Variants in ADAMTS9 observed in about 807,000 individuals in gnomAD.
ADAMTS9 encodes A disintegrin and metalloproteinase with thrombospondin motifs 9.
A neutral mutation model predicts 257.1 loss-of-function variants in ADAMTS9; 107 were observed. That is an observed-to-expected ratio of 0.42 (90% CI 0.36 to 0.49). The LOEUF (loss-of-function observed/expected upper bound fraction) is 0.49, where lower values mean the gene tolerates loss of function less well. Ranked by LOEUF, ADAMTS9 falls within the 20% of genes least tolerant of loss-of-function variation. The pLI, the probability that ADAMTS9 is intolerant of heterozygous loss-of-function variation, is 0.03. For synonymous variants in ADAMTS9, 982 were observed against 880.9 expected (o/e 1.11, Z -2.03); for missense variants, 2,353 against 2,469.1 (o/e 0.95, Z 1.00).
At chr3:64,524,132 A>C (rs113475793) in intron 38 of ADAMTS9, among the ~76,000 whole-genome samples, 2,269 of 152,250 alleles carry the variant, frequency 0.015, 46 homozygotes, top group African/African-American at 0.052. Flanking sequence ...ATTACACACA[A>C]ATTTAAAGTG....
At chr3:64,647,249 TTTTGGGCTGATGA>T (rs1366403514) in intron 11 of ADAMTS9, among the ~76,000 whole-genome samples, 1 of 152,130 alleles carries the variant, frequency 6.6e-6, no homozygotes, top group Non-Finnish European at 1.5e-5. Context: ...GTTACCAAAT[TTTTGGGCTGATGA>T]TGGTATCACT....
At chr3:64,633,397 A>G in intron 14 of ADAMTS9, 75 bp downstream of exon 14, 23 of 1,583,328 alleles carry the variant, frequency 1.5e-5, no homozygotes, top group Non-Finnish European at 2.0e-5. Flanking sequence ...AGCAGTTGCT[A>G]TTCTATCTAG....
chr3:64,589,880 A>C (rs951788555), intron 28 of ADAMTS9: 4 of 152,210 alleles, frequency 2.6e-5, no homozygotes, highest in Non-Finnish European at 5.9e-5. Flanking sequence ...GCAGTGAACA[A>C]ATAACAAAAT....
chr3:64,601,117 T>C (rs940562901), intron 26 of ADAMTS9, among the ~76,000 whole-genome samples: 7 of 152,164 alleles, frequency 4.6e-5, no homozygotes, highest in Non-Finnish European at 1.0e-4. Flanking sequence ...TTTCCTTTGA[T>C]ATCAGATATT....
At chr3:64,554,730 A>G (rs983488583) in intron 30 of ADAMTS9, among the ~76,000 whole-genome samples, 2 of 152,336 alleles carry the variant, frequency 1.3e-5, no homozygotes, top group Middle Eastern at 6.8e-3. Context: ...ACAGTGCTGG[A>G]CTAAATCGGG....
intron 16 of ADAMTS9, among the ~76,000 whole-genome samples, chr3:64,628,914 G>A (rs1021952435): frequency 1.3e-5 from 2 of 152,080 alleles, no homozygotes; most frequent in African/African-American, 2.4e-5. Flanking sequence ...AAACACTAGT[G>A]GTCGTATAAT....
Position 64,572,068 on chromosome 3 carries a change from T to C in ADAMTS9, c.4357-3533A>G, listed in dbSNP as rs1394230080. ...TTCACAGCCAAAAAGCCTCCTACTT[T>C]GCCAATAGGACTCTGACTTTTTTTT... On this transcript the variant is annotated intron_variant, in intron 28 of 39. Transcript: ENST00000498707. Among the ~76,000 whole-genome samples the C allele has an allele frequency of 1.5e-5, 2 of 131,420 alleles. 1 individual carries two copies. The highest frequency in any genetic ancestry group is 5.6e-4 in the East Asian group (2 of 3,600). The allele number at this position is 131,420 out of a possible 152,430, so 86.2% of individuals were successfully genotyped here. A position where few individuals can be genotyped will look rare whatever the true frequency, so the allele number is the denominator to read the frequency against.
chr3:64,648,787 A>C (rs1270216464), intron 10 of ADAMTS9, among the ~76,000 whole-genome samples: 1 of 152,124 alleles, frequency 6.6e-6, no homozygotes, highest in African/African-American at 2.4e-5. Context: ...ATCATTTTCA[A>C]TTGCTATAAA....
At chr3:64,670,824 C>A (rs775492205) in intron 3 of ADAMTS9, among the ~76,000 whole-genome samples, 8 of 152,156 alleles carry the variant, frequency 5.3e-5, no homozygotes, top group Non-Finnish European at 1.2e-4. Context: ...TGAAATTCCA[C>A]TAAACACCTA....
At position 64,633,280 on chromosome 3, in the gene ADAMTS9, C is replaced by T. The variant is rs1451181696; in HGVS notation, c.2175+192G>A. Among the ~76,000 whole-genome samples, 3 of 152,076 alleles carry T rather than the reference C, an allele frequency of 2.0e-5. No homozygotes were observed. The East Asian group carries it at 5.8e-4, about 29-fold the overall frequency. Reference sequence around the variant, plus strand: ...TCAAGAAAAATCCAGGGCAACGGCTCCCAAACTTTGGCACTACACGCATCA... The same window carrying T: ...TCAAGAAAAATCCAGGGCAACGGCTTCCAAACTTTGGCACTACACGCATCA... On this transcript the variant is annotated intron_variant, in intron 14 of 39. Coordinates refer to ENST00000498707, the MANE Select transcript of ADAMTS9 (RefSeq NM_182920.2).
At chr3:64,640,574 A>C (rs1276870209) in intron 12 of ADAMTS9, among the ~76,000 whole-genome samples, 1 of 152,232 alleles carries the variant, frequency 6.6e-6, no homozygotes, top group African/African-American at 2.4e-5. Context: ...ATCATTTTAC[A>C]AAATCCCAAA....
At chr3:64,670,120 C>T (rs1701450799) in intron 3 of ADAMTS9, among the ~76,000 whole-genome samples, 1 of 88,170 alleles carries the variant, frequency 1.1e-5, no homozygotes, top group South Asian at 3.0e-4. Context: ...CCAAACTCTT[C>T]TACCTCTGTC....
chr3:64,636,469 T>C (rs926318268), intron 12 of ADAMTS9, among the ~76,000 whole-genome samples: 1 of 152,144 alleles, frequency 6.6e-6, no homozygotes, highest in African/African-American at 2.4e-5. Context: ...CTAATATCTA[T>C]TTCATAAAGC....
chr3:64,576,651 T>A (rs149064513), intron 28 of ADAMTS9, among the ~76,000 whole-genome samples: 2 of 152,298 alleles, frequency 1.3e-5, no homozygotes, highest in African/African-American at 4.8e-5. Flanking sequence ...CGCCTGAGAT[T>A]GGCAGGGAAC....
Position 64,633,433 on chromosome 3 carries a change from C to A in ADAMTS9, c.2175+39G>T, listed in dbSNP as rs141188186. 2.1e-3 allele frequency: 3,440 copies of A among 1,608,918 alleles called. 9 individuals are homozygous for A. The highest frequency in any genetic ancestry group is 4.0e-3 in the Middle Eastern group (24 of 6,032). ...GAAGCCACAAATCACAGGTTGGCAG[C>A]GGGAAAACACAGTGAAGAAAACACC... is the stretch of plus-strand genomic sequence containing the variant. On this transcript the variant is annotated intron_variant, in intron 14 of 39. Coordinates refer to ENST00000498707, the MANE Select transcript of ADAMTS9 (RefSeq NM_182920.2).
At position 64,658,501 on chromosome 3, in the gene ADAMTS9, C is replaced by T. The variant is rs748623247; in HGVS notation, c.969+1G>A. 2 of 1,609,168 alleles carry T rather than the reference C, an allele frequency of 1.2e-6. No homozygotes were observed. The highest frequency in any genetic ancestry group is 1.1e-5 in the South Asian group (1 of 90,558). ...AATCACCTTCGTTTGAATGTACTTA[C>T]AATTGACATTAAAGTTAAAATATAG... is the stretch of plus-strand genomic sequence containing the variant. On this transcript the variant is annotated splice_donor_variant, in intron 4 of 39. Coordinates refer to ENST00000498707, the MANE Select transcript of ADAMTS9 (RefSeq NM_182920.2). LOFTEE classifies it high-confidence loss of function.
chr3:64,602,809 T>C (rs906294999), intron 25 of ADAMTS9, among the ~76,000 whole-genome samples: 2 of 152,250 alleles, frequency 1.3e-5, no homozygotes, highest in African/African-American at 2.4e-5. Flanking sequence ...CTAGGACTTA[T>C]CAGTACCTCT....
intron 30 of ADAMTS9, among the ~76,000 whole-genome samples, chr3:64,555,367 C>G (rs1351412894): frequency 6.7e-6 from 1 of 148,990 alleles, no homozygotes; most frequent in Non-Finnish European, 1.5e-5. Flanking sequence ...CACTTTGTAA[C>G]TTTAAAGTCA....
chr3:64,581,707 C>T (rs1431182262), intron 28 of ADAMTS9, among the ~76,000 whole-genome samples: 1 of 152,158 alleles, frequency 6.6e-6, no homozygotes, highest in Non-Finnish European at 1.5e-5. Context: ...TTTAAGGTTC[C>T]AATTAATTCT....
Sources: allele counts gnomAD v4.1 joint callset (sites outside exome capture counted in the v4.1 genomes callset), GRCh38; gene constraint gnomAD v4.1.1; transcripts MANE v1.5; gene names NCBI Gene and HGNC (gene_info 2026-07-23, HGNC 2026-07-21).